DOCK2: variants seen among roughly 807,000 people sequenced by gnomAD.
The protein encoded by DOCK2 is dedicator of cytokinesis 2, also known as dedicator of cytokinesis protein 2.
Under a neutral mutation model 248.9 loss-of-function variants are expected in DOCK2, and 87 were observed. The observed-to-expected ratio is 0.35, with a 90% CI of 0.29 to 0.42. The LOEUF (loss-of-function observed/expected upper bound fraction) is 0.42. Ranked by LOEUF, DOCK2 falls within the 10% of genes least tolerant of loss-of-function variation. DOCK2 has a pLI of 1.00. For missense variants in DOCK2, 1,747 were observed against 2,300.2 expected (o/e 0.76, Z 4.92); for synonymous variants, 805 against 821.6 (o/e 0.98, Z 0.35).
intron 27 of DOCK2, among the ~76,000 whole-genome samples, chr5:169,959,777 G>A (rs1008558676): frequency 2.0e-5 from 3 of 152,166 alleles, no homozygotes; most frequent in Non-Finnish European, 2.9e-5. Flanking sequence ...CGTAGATCTA[G>A]AGAGATCTAG....
chr5:169,760,917 G>C (rs1764450033), intron 24 of DOCK2, among the ~76,000 whole-genome samples: 1 of 152,162 alleles, frequency 6.6e-6, no homozygotes, highest in Non-Finnish European at 1.5e-5. Context: ...CTATAATTTT[G>C]TTTCAGGGTA....
At chr5:169,888,355 C>A (rs1773093819) in intron 27 of DOCK2, among the ~76,000 whole-genome samples, 1 of 152,230 alleles carries the variant, frequency 6.6e-6, no homozygotes, top group Non-Finnish European at 1.5e-5. Flanking sequence ...TCGTTCCCCA[C>A]AGGTGGTCAC....
At chr5:169,684,447 T>A in intron 8 of DOCK2, 97 bp downstream of exon 8, 1 of 1,445,426 alleles carries the variant, frequency 6.9e-7, no homozygotes. Context: ...AATCTCCACC[T>A]GGAAAAGAGA....
At chr5:169,768,376 C>T (rs1438662494) in intron 25 of DOCK2, among the ~76,000 whole-genome samples, 1 of 152,224 alleles carries the variant, frequency 6.6e-6, no homozygotes, top group Non-Finnish European at 1.5e-5. Context: ...CTTTTTCTCA[C>T]TATGCTTTAT....
At chr5:169,863,386 T>C (rs1429054772) in intron 27 of DOCK2, among the ~76,000 whole-genome samples, 1 of 152,226 alleles carries the variant, frequency 6.6e-6, no homozygotes, top group Non-Finnish European at 1.5e-5. Context: ...TCATAAGATG[T>C]AACTGATGGA....
chr5:170,051,327 C>A (rs542016915), intron 41 of DOCK2, among the ~76,000 whole-genome samples: 26 of 152,182 alleles, frequency 1.7e-4, no homozygotes, highest in Non-Finnish European at 2.9e-4. Context: ...CCACCCCCAT[C>A]CTTCCTTCCC....
chr5:169,643,982 G>C (rs531399707), intron 1 of DOCK2, among the ~76,000 whole-genome samples: 1 of 152,244 alleles, frequency 6.6e-6, no homozygotes, highest in South Asian at 2.1e-4. Flanking sequence ...CCCTGGCGGT[G>C]GCAGTCAGGG....
At chr5:169,666,329 C>A (rs1183230151) in intron 2 of DOCK2, among the ~76,000 whole-genome samples, 1 of 152,116 alleles carries the variant, frequency 6.6e-6, no homozygotes. Context: ...TTGCAACATA[C>A]GAATTTTGGG....
chr5:169,988,577 C>A (rs1190683043), intron 29 of DOCK2, among the ~76,000 whole-genome samples: 1 of 151,892 alleles, frequency 6.6e-6, no homozygotes, highest in Non-Finnish European at 1.5e-5. Context: ...TAATGGCATG[C>A]TCTCAGCTCA....
At chr5:169,934,624 T>G (rs1775903268) in intron 27 of DOCK2, 1 of 456,130 alleles carries the variant, frequency 2.2e-6, no homozygotes, top group African/African-American at 2.0e-5. Context: ...TACTTCCCCT[T>G]GCTAAGTCTT....
At chr5:170,041,169 C>T (rs760175557) in intron 37 of DOCK2, 24 bp downstream of exon 37, 1 of 1,593,192 alleles carries the variant, frequency 6.3e-7, no homozygotes, top group East Asian at 2.2e-5. Context: ...GGGTGAAGGG[C>T]ATTTATGCTG....
intron 14 of DOCK2, 121 bp from the exon 15 acceptor site, chr5:169,708,048 C>A: frequency 2.2e-6 from 2 of 908,202 alleles, no homozygotes; most frequent in South Asian, 1.5e-5. Flanking sequence ...GGCATGAGGG[C>A]TAGGGAAGGC....
rs11390591 is a variant in DOCK2 at position 169,875,185 on chromosome 5, TAA to T, written c.2799+34339_2799+34340del. On this transcript the variant is annotated intron_variant, in intron 27 of 51. Transcript: ENST00000520908. ...TCTTTCAAGACCCTGATTTTTTACC[TAA>T]AAAAATCCTTCTGCTTTATTTGAAC... 8 of 455,940 alleles carry T rather than the reference TAA, an allele frequency of 1.8e-5. No homozygotes were observed. The East Asian group carries it at 5.6e-4, about 32-fold the overall frequency. 28.2% of individuals were successfully genotyped at this position (455,940 alleles called of 1,614,324 possible). A position where few individuals can be genotyped will look rare whatever the true frequency, so the allele number is the denominator to read the frequency against.
intron 25 of DOCK2, among the ~76,000 whole-genome samples, chr5:169,793,573 C>A (rs950594533): frequency 6.6e-6 from 1 of 152,112 alleles, no homozygotes; most frequent in Non-Finnish European, 1.5e-5. Context: ...GCAATAAGTA[C>A]AAGACCCCTT....
chr5:169,971,308 G>T (rs1396965067), intron 27 of DOCK2, among the ~76,000 whole-genome samples: 1 of 152,174 alleles, frequency 6.6e-6, no homozygotes, highest in Non-Finnish European at 1.5e-5. Flanking sequence ...GGGAGCTGGG[G>T]CCTGACAGGA....
intron 22 of DOCK2, among the ~76,000 whole-genome samples, chr5:169,745,939 G>A (rs1253537412): frequency 6.6e-6 from 1 of 152,138 alleles, no homozygotes. Context: ...GAACTAGGGA[G>A]AGGAAGAGAA....
At chr5:169,717,114 A>C (rs1352809149) in intron 20 of DOCK2, among the ~76,000 whole-genome samples, 1 of 151,852 alleles carries the variant, frequency 6.6e-6, no homozygotes, top group Non-Finnish European at 1.5e-5. Context: ...GATTCTAAAA[A>C]GTTTTGCAAT....
intron 30 of DOCK2, among the ~76,000 whole-genome samples, chr5:170,001,630 C>A (rs1754835833): frequency 6.6e-6 from 1 of 151,984 alleles, no homozygotes; most frequent in Non-Finnish European, 1.5e-5. Context: ...AGGATTTAAC[C>A]AGAATGCATG....
intron 27 of DOCK2, among the ~76,000 whole-genome samples, chr5:169,874,511 C>T (rs775234667): frequency 7.3e-5 from 11 of 150,702 alleles, no homozygotes; most frequent in Non-Finnish European, 1.3e-4. Context: ...CATTTAGCTT[C>T]ATGCATGGTC....
Sources: allele counts gnomAD v4.1 joint callset (sites outside exome capture counted in the v4.1 genomes callset), GRCh38; gene constraint gnomAD v4.1.1; transcripts MANE v1.5; gene names NCBI Gene and HGNC (gene_info 2026-07-23, HGNC 2026-07-21).